Variants in SEMA6D observed in about 807,000 individuals in gnomAD.
The protein encoded by SEMA6D is semaphorin-6D.
Under a neutral mutation model 106.6 loss-of-function variants are expected in SEMA6D, and 35 were observed. The observed-to-expected ratio is 0.33, with a 90% CI of 0.25 to 0.44. SEMA6D has a LOEUF of 0.44. Among genes scored for constraint, SEMA6D ranks in the 20% least tolerant of loss-of-function variants. SEMA6D has a pLI of 1.00. For missense variants in SEMA6D, 1,185 were observed against 1,345.9 expected (o/e 0.88, Z 1.87); for synonymous variants, 499 against 487.7 (o/e 1.02, Z -0.31).
chr15:47,710,757 T>C (rs1300420938), intron 4 of SEMA6D, among the ~76,000 whole-genome samples: 1 of 152,222 alleles, frequency 6.6e-6, no homozygotes, highest in Non-Finnish European at 1.5e-5. Context: ...CCAGAAAAGC[T>C]CTCAGCCAAA....
At chr15:47,494,743 TATATATATATATATATA>T (rs1189375138) in intron 3 of SEMA6D, among the ~76,000 whole-genome samples, 2 of 23,106 alleles carry the variant, frequency 8.7e-5, no homozygotes, top group Non-Finnish European at 1.4e-4. Flanking sequence ...GGGATGGAGA[TATATATATATATATATA>T]TATATATATA....
intron 3 of SEMA6D, among the ~76,000 whole-genome samples, chr15:47,506,605 C>CACACAG (rs1390273366): frequency 1.4e-5 from 2 of 139,850 alleles, no homozygotes; most frequent in Non-Finnish European, 3.0e-5. Flanking sequence ...CACAAACACA[C>CACACAG]ACACACACAC....
chr15:47,584,675 G>C (rs1409323265), intron 3 of SEMA6D, among the ~76,000 whole-genome samples: 1 of 152,024 alleles, frequency 6.6e-6, no homozygotes, highest in Non-Finnish European at 1.5e-5. Flanking sequence ...AAGTAGGCAG[G>C]GTACAAATAA....
chr15:47,709,610 G>A (rs1453870336), intron 4 of SEMA6D, among the ~76,000 whole-genome samples: 2 of 152,128 alleles, frequency 1.3e-5, no homozygotes, highest in Admixed American at 6.5e-5. Context: ...ACAGTCTTAT[G>A]CTGGGGATAT....
At position 47,663,666 on chromosome 15, in the gene SEMA6D, G is replaced by C. The variant is rs1179699541; in HGVS notation, c.-55+62770G>C. Among the ~76,000 whole-genome samples, 3 of 152,162 alleles carry C rather than the reference G, an allele frequency of 2.0e-5. No homozygotes were observed. In the East Asian group the frequency reaches 5.8e-4, roughly 29 times the overall value. ...ATTCTGGAAACGACACCCCTCAGAA[G>C]ATCCCGATGTTTTGTGAATTCGAGG... On this transcript the variant is annotated intron_variant, in intron 4 of 19. Coordinates refer to the SEMA6D transcript ENST00000558014.
At chr15:47,482,853 G>C (rs113320145) in intron 3 of SEMA6D, among the ~76,000 whole-genome samples, 11 of 151,736 alleles carry the variant, frequency 7.2e-5, no homozygotes, top group African/African-American at 2.4e-4. Flanking sequence ...CTTAGAGAGA[G>C]GATAAAATAT....
intron 4 of SEMA6D, among the ~76,000 whole-genome samples, chr15:47,672,163 C>T (rs2078149668): frequency 6.6e-6 from 1 of 152,138 alleles, no homozygotes; most frequent in Non-Finnish European, 1.5e-5. Flanking sequence ...ATGTAAGCGA[C>T]TTGCCAGAGG....
intron 1 of SEMA6D, among the ~76,000 whole-genome samples, chr15:47,323,695 A>G (rs1308042521): frequency 1.3e-5 from 2 of 152,098 alleles, no homozygotes; most frequent in Non-Finnish European, 2.9e-5. Context: ...GTCCTTGTCT[A>G]CCTAGGAATT....
chr15:47,340,004 T>G (rs947681471), intron 1 of SEMA6D, among the ~76,000 whole-genome samples: 1 of 152,162 alleles, frequency 6.6e-6, no homozygotes, highest in African/African-American at 2.4e-5. Context: ...GAGTACTGTT[T>G]AATCACGTGA....
chr15:47,311,009 A>T lies in SEMA6D; in HGVS notation c.-238-101384A>T, dbSNP rs182185629. On this transcript the variant is annotated intron_variant, in intron 1 of 19. Coordinates refer to the SEMA6D transcript ENST00000558014. ...ACACAATTCATACTTGGTAGGTAAA[A>T]TTCCAAACTAAGCCTGATATTACTT... Among the ~76,000 whole-genome samples, 103 of 152,336 alleles carry T rather than the reference A, an allele frequency of 6.8e-4. No individual in the cohort carries two copies. The South Asian group carries it at 9.5e-3, about 14-fold the overall frequency.
Position 47,765,996 on chromosome 15 carries a change from G to C in SEMA6D, c.1555G>C (p.Gly519Arg). ...RIPLSRCERY[G>R]SCKKSCIASR... ...CCCCCTCAGTCGCTGTGAGCGTTATGGATCATGTAAAAAGTAAGCTCGTGT... is the reference window on the plus strand; with the variant it reads ...CCCCCTCAGTCGCTGTGAGCGTTATCGATCATGTAAAAAGTAAGCTCGTGT... The change falls in exon 14 of 19, where the codon GGA becomes CGA. Residue 519 changes from glycine (G) to arginine (R), a missense_variant. By Grantham distance (125) the Gly-to-Arg change is moderately radical (BLOSUM62 -2). This residue lies in a region of SEMA6D where 750 missense variants were observed against 783.5 expected (regional missense o/e 0.96). Coordinates refer to ENST00000536845, the MANE Select transcript of SEMA6D (RefSeq NM_001358351.3). The C allele has an allele frequency of 6.2e-7, 1 of 1,601,454 alleles. No individual in the cohort carries two copies. The highest frequency in any genetic ancestry group is 8.5e-7 in the Non-Finnish European group (1 of 1,172,966).
chr15:47,627,696 T>A (rs1408605001), intron 4 of SEMA6D, among the ~76,000 whole-genome samples: 18 of 152,190 alleles, frequency 1.2e-4, no homozygotes, highest in Non-Finnish European at 1.5e-5. Context: ...ATATCTCCTG[T>A]ACACTTTACC....
At chr15:47,420,657 T>C (rs567560032) in intron 2 of SEMA6D, among the ~76,000 whole-genome samples, 7 of 152,276 alleles carry the variant, frequency 4.6e-5, no homozygotes, top group Admixed American at 2.0e-4. Flanking sequence ...TAAGTGACTG[T>C]TAACTTTTCC....
intron 4 of SEMA6D, among the ~76,000 whole-genome samples, chr15:47,623,064 C>A (rs755609987): frequency 6.6e-6 from 1 of 152,174 alleles, no homozygotes; most frequent in Non-Finnish European, 1.5e-5. Context: ...TCTCTTCCCC[C>A]CTCCCTCTCC....
At chr15:47,480,972 A>T (rs901561693) in intron 3 of SEMA6D, among the ~76,000 whole-genome samples, 1 of 152,062 alleles carries the variant, frequency 6.6e-6, no homozygotes, top group African/African-American at 2.4e-5. Context: ...CTTTGATCAT[A>T]CTTTCATCTT....
rs142971275 is a variant in SEMA6D at position 47,391,112 on chromosome 15, C to T, written c.-238-21281C>T. Among the ~76,000 whole-genome samples the T allele has an allele frequency of 5.8e-4, 89 of 152,254 alleles. 1 individual carries two copies. The East Asian group carries it at 0.017, about 29-fold the overall frequency. ...CCTGCCTTCTCTTTTGAGGATATTT[C>T]CTCTTAAGTTGTGAGATATTCCAGG... On this transcript the variant is annotated intron_variant, in intron 1 of 19. Coordinates refer to the SEMA6D transcript ENST00000558014.
intron 1 of SEMA6D, among the ~76,000 whole-genome samples, chr15:47,315,526 G>C (rs925283693): frequency 6.6e-6 from 1 of 152,108 alleles, no homozygotes; most frequent in Non-Finnish European, 1.5e-5. Context: ...GAAGTTGGTC[G>C]GTGTAAGTCC....
intron 1 of SEMA6D, among the ~76,000 whole-genome samples, chr15:47,224,357 G>A (rs901815938): frequency 5.9e-5 from 9 of 151,910 alleles, no homozygotes; most frequent in African/African-American, 2.2e-4. Flanking sequence ...TGCTATGGAC[G>A]TAATCATAAT....
chr15:47,317,600 T>C (rs1373255609), intron 1 of SEMA6D, among the ~76,000 whole-genome samples: 1 of 152,186 alleles, frequency 6.6e-6, no homozygotes, highest in East Asian at 1.9e-4. Context: ...TCTTACACTT[T>C]TGAAGAATAA....
Sources: allele counts gnomAD v4.1 joint callset (sites outside exome capture counted in the v4.1 genomes callset), GRCh38; gene constraint gnomAD v4.1.1; regional missense constraint gnomAD v4.1.1; transcripts MANE v1.5; gene names NCBI Gene and HGNC (gene_info 2026-07-23, HGNC 2026-07-21).